The following NBAS variants were observed in gnomAD, a reference collection of about 807,000 sequenced individuals.
NBAS encodes the protein NAG/BC035112 fusion.
In NBAS, 219 loss-of-function variants were observed where a neutral mutation model predicts 302.5. That is an observed-to-expected ratio of 0.72 (90% CI 0.65 to 0.81). NBAS has a LOEUF of 0.81. Ranked by LOEUF, NBAS falls within the 30% of genes least tolerant of loss-of-function variation. NBAS has a pLI of 0.00. For synonymous variants in NBAS, 1,118 were observed against 1,021.6 expected, an observed-to-expected ratio of 1.09 and a Z score of -1.80; for missense variants, 2,932 against 2,841.6, an observed-to-expected ratio of 1.03 and a Z score of -0.72.
the NBAS span, among the ~76,000 whole-genome samples, chr2:14,818,126 A>C: frequency 0.99 from 150,660 of 152,162 alleles, 74,588 homozygotes; most frequent in East Asian, 1. Flanking sequence ...TCTGTTTGGG[A>C]GTATCTCAAA....
At chr2:15,492,578 T>C (rs955471233) in intron 11 of NBAS, among the ~76,000 whole-genome samples, 1 of 152,092 alleles carries the variant, frequency 6.6e-6, no homozygotes, top group East Asian at 1.9e-4. Context: ...CACTTCAGCC[T>C]CCTGAGTAGC....
At chr2:15,493,672 G>GAAA (rs1229519842) in intron 11 of NBAS, among the ~76,000 whole-genome samples, 7 of 91,588 alleles carry the variant, frequency 7.6e-5, no homozygotes, top group African/African-American at 2.4e-4. Context: ...GGCTCAAAAA[G>GAAA]AAAAAAAAAA....
intron 31 of NBAS, among the ~76,000 whole-genome samples, chr2:15,369,908 T>C (rs1054846720): frequency 3.3e-5 from 5 of 152,202 alleles, no homozygotes; most frequent in African/African-American, 1.2e-4. Flanking sequence ...CCTCAAAAGA[T>C]AGCTGTGCAA....
At chr2:15,148,289 C>T in the NBAS span, among the ~76,000 whole-genome samples, 1 of 152,096 alleles carries the variant, frequency 6.6e-6, no homozygotes, top group Non-Finnish European at 1.5e-5. Context: ...AGACCCAGGC[C>T]CTGCCACCAA....
the NBAS span, among the ~76,000 whole-genome samples, chr2:15,136,170 CTATA>C: frequency 6.6e-6 from 1 of 152,192 alleles, no homozygotes; most frequent in Non-Finnish European, 1.5e-5. Context: ...TCTTGTCTCT[CTATA>C]TAGCCTATTT....
At chr2:15,277,236 C>T in intron 42 of NBAS, 135 bp from the exon 43 acceptor site, 1 of 1,104,884 alleles carries the variant, frequency 9.1e-7, no homozygotes, top group Admixed American at 2.7e-5. Flanking sequence ...AAACCACCAC[C>T]AGAAGCCAGT....
the NBAS span, among the ~76,000 whole-genome samples, chr2:15,102,977 GAGGAAGGAAGGAAGGAAGGAAGGAAGGA>G: frequency 2.1e-5 from 2 of 95,434 alleles, no homozygotes; most frequent in Non-Finnish European, 3.8e-5. Flanking sequence ...AGGCATTAAG[GAGGAAGGAAGGAAGGAAGGAAGGAAGGA>G]AGGAAGGAAG....
chr2:15,375,147 T>C (rs1233328244), intron 30 of NBAS, among the ~76,000 whole-genome samples: 2 of 152,158 alleles, frequency 1.3e-5, no homozygotes, highest in African/African-American at 2.4e-5. Context: ...GGTCACAATG[T>C]GATGTCTCAA....
At chr2:15,552,665 G>A (rs1269211711) in intron 5 of NBAS, among the ~76,000 whole-genome samples, 2 of 152,096 alleles carry the variant, frequency 1.3e-5, no homozygotes, top group South Asian at 2.1e-4. Context: ...TTTTAGATGT[G>A]TATATAATAC....
intron 25 of NBAS, among the ~76,000 whole-genome samples, chr2:15,409,398 C>T (rs958966371): frequency 7.9e-5 from 12 of 152,184 alleles, no homozygotes; most frequent in African/African-American, 2.2e-4. Context: ...TCCTGGAATG[C>T]TTATTACTCT....
intron 25 of NBAS, among the ~76,000 whole-genome samples, chr2:15,410,355 C>T (rs188918020): frequency 9.0e-4 from 137 of 152,228 alleles, no homozygotes; most frequent in African/African-American, 3.2e-3. Flanking sequence ...TTATTCTAAC[C>T]GTTAGCAAGA....
chr2:15,172,810 T>G (rs1275577380), intron 51 of NBAS, among the ~76,000 whole-genome samples: 9 of 152,238 alleles, frequency 5.9e-5, no homozygotes, highest in Non-Finnish European at 1.3e-4. Flanking sequence ...TGAATTACAG[T>G]GAGAGATAGT....
intron 40 of NBAS, among the ~76,000 whole-genome samples, chr2:15,306,287 A>G (rs1233471550): frequency 6.6e-6 from 1 of 152,272 alleles, no homozygotes; most frequent in Non-Finnish European, 1.5e-5. Flanking sequence ...AGTAGCTACC[A>G]AAGAACAAAA....
At chr2:15,134,959 T>C in the NBAS span, among the ~76,000 whole-genome samples, 1 of 152,180 alleles carries the variant, frequency 6.6e-6, no homozygotes, top group African/African-American at 2.4e-5. Flanking sequence ...TTGAATGCCA[T>C]TCCCCCGTCT....
chr2:14,856,441 C>T, the NBAS span, among the ~76,000 whole-genome samples: 24 of 151,962 alleles, frequency 1.6e-4, no homozygotes, highest in Admixed American at 1.3e-3. Flanking sequence ...AACACTGTAC[C>T]AAATGAATTA....
intron 26 of NBAS, among the ~76,000 whole-genome samples, chr2:15,401,624 A>G (rs1471524675): frequency 6.6e-6 from 1 of 152,178 alleles, no homozygotes; most frequent in African/African-American, 2.4e-5. Flanking sequence ...TAGAGGGATT[A>G]GATTGCTACC....
chr2:14,865,689 A>C, the NBAS span, among the ~76,000 whole-genome samples: 2 of 152,222 alleles, frequency 1.3e-5, no homozygotes, highest in Non-Finnish European at 2.9e-5. Context: ...GAAGCATCTT[A>C]TAATTATGTA....
intron 11 of NBAS, among the ~76,000 whole-genome samples, chr2:15,501,668 C>T (rs1661566997): frequency 6.9e-6 from 1 of 144,450 alleles, no homozygotes; most frequent in Admixed American, 7.4e-5. Context: ...CGGCTCACTG[C>T]AAGCTCCGCC....
intron 44 of NBAS, among the ~76,000 whole-genome samples, chr2:15,271,238 C>T (rs1362139744): frequency 6.6e-6 from 1 of 151,988 alleles, no homozygotes; most frequent in Non-Finnish European, 1.5e-5. Context: ...GGAGGCAGAA[C>T]CAAACAGTGG....
Sources: allele counts gnomAD v4.1 joint callset (sites outside exome capture counted in the v4.1 genomes callset), GRCh38; gene constraint gnomAD v4.1.1; transcripts MANE v1.5; gene names NCBI Gene and HGNC (gene_info 2026-07-23, HGNC 2026-07-21).